Variants in GAN observed in about 807,000 individuals in gnomAD.
GAN encodes gigaxonin.
Under a neutral mutation model 71.3 loss-of-function variants are expected in GAN, and 48 were observed. The observed-to-expected ratio is 0.67, with a 90% confidence interval of 0.53 to 0.86. The LOEUF (loss-of-function observed/expected upper bound fraction) is 0.86. GAN is among the 40% of genes least tolerant of loss of function. The pLI, the probability that GAN is intolerant of heterozygous loss-of-function variation, is 0.00. For missense variants in GAN, 928 were observed against 770.1 expected (o/e 1.21, Z -2.43); for synonymous variants, 386 against 276.8 (o/e 1.39, Z -3.92).
intron 5 of GAN, 58 bp downstream of exon 5, chr16:81,357,989 G>A: frequency 7.0e-7 from 1 of 1,432,112 alleles, no homozygotes; most frequent in Admixed American, 1.7e-5. Flanking sequence ...GTAATCTCAA[G>A]GTTTTACAGA....
chr16:81,353,308 G>T (rs997742978), intron 2 of GAN, among the ~76,000 whole-genome samples: 2 of 136,790 alleles, frequency 1.5e-5, no homozygotes, highest in African/African-American at 5.5e-5. Flanking sequence ...AAAAAAAAAC[G>T]ATAGTTGGAA....
chr16:81,328,842 A>ATTTT (rs777856763), intron 1 of GAN, among the ~76,000 whole-genome samples: 39 of 152,134 alleles, frequency 2.6e-4, no homozygotes, highest in Non-Finnish European at 3.5e-4. Context: ...GTTAGAAATA[A>ATTTT]TTTTGTGCTT....
intron 5 of GAN, among the ~76,000 whole-genome samples, chr16:81,358,851 G>A (rs1211063262): frequency 6.6e-6 from 1 of 152,154 alleles, no homozygotes; most frequent in African/African-American, 2.4e-5. Flanking sequence ...CCTGATAAGT[G>A]TCATCTCATG....
At chr16:81,353,403 G>C (rs761421176) in intron 2 of GAN, among the ~76,000 whole-genome samples, 1 of 151,982 alleles carries the variant, frequency 6.6e-6, no homozygotes, top group East Asian at 1.9e-4. Flanking sequence ...TATATTTGAA[G>C]AGTCTACAGC....
Position 81,356,791 on chromosome 16 carries a change from A to C in GAN, c.640A>C (p.Met214Leu), listed in dbSNP as rs778132221. 1.2e-6 allele frequency: 2 copies of C among 1,609,330 alleles called. No individual in the cohort carries two copies. Among genetic ancestry groups the C allele is most frequent in the Non-Finnish European group, 1.7e-6 (2 of 1,175,636 alleles). The change falls in exon 4 of 11, where the codon ATG becomes CTG. Residue 214 changes from methionine (M) to leucine (L), a missense_variant. Physicochemically the swap from Met to Leu is conservative, Grantham distance 15. Coordinates refer to ENST00000648994, the MANE Select transcript of GAN (RefSeq NM_022041.4). ...AHDTEIRKVH[M>L]KDVMSALWVS... The stretch of plus-strand genomic sequence containing the variant: ...TTTCTTCCCTCTTCTGCAGGTCCAC[A>C]TGAAGGATGTTATGTCAGCTCTGTG...
intron 1 of GAN, among the ~76,000 whole-genome samples, chr16:81,330,541 A>G (rs1046644036): frequency 6.6e-6 from 1 of 152,260 alleles, no homozygotes; most frequent in Non-Finnish European, 1.5e-5. Flanking sequence ...ATGCATGAAT[A>G]AACTAATAAA....
chr16:81,327,780 C>A (rs940817974), intron 1 of GAN, among the ~76,000 whole-genome samples: 1 of 152,152 alleles, frequency 6.6e-6, no homozygotes, highest in Non-Finnish European at 1.5e-5. Flanking sequence ...ACAGGGGAAA[C>A]TTGTAAGAGT....
rs968969394 is a variant in GAN, at chr16:81,377,771, C to T, written c.*175C>T. The T allele has an allele frequency of 6.1e-6, 4 of 659,224 alleles. No individual in the cohort carries two copies. Among genetic ancestry groups the T allele is most frequent in the South Asian group, 3.5e-5 (2 of 57,458 alleles). The allele number at this position is 659,224 out of a possible 1,614,324, so 40.8% of individuals were successfully genotyped here. A position where few individuals can be genotyped will look rare whatever the true frequency, so the allele number is the denominator to read the frequency against. On this transcript the variant is annotated 3_prime_UTR_variant, in exon 11 of 11. Transcript: ENST00000648994. Reference sequence around the variant, plus strand: ...GCTTTAGCTCTTGTTTGGGAGAACACGTAACTGTTGAAAAACTACCTGGGA... The same window carrying T: ...GCTTTAGCTCTTGTTTGGGAGAACATGTAACTGTTGAAAAACTACCTGGGA...
intron 9 of GAN, among the ~76,000 whole-genome samples, chr16:81,367,368 C>T (rs902944333): frequency 7.0e-6 from 1 of 143,840 alleles, no homozygotes; most frequent in African/African-American, 2.6e-5. Flanking sequence ...ACTAAAAGTA[C>T]AAAAAAAAAA....
intron 5 of GAN, 84 bp from the exon 6 acceptor site, chr16:81,362,415 C>T: frequency 2.6e-6 from 2 of 773,318 alleles, no homozygotes; most frequent in Middle Eastern, 4.5e-4. Context: ...AGAGTTTCTT[C>T]AGATGCTGTT....
At position 81,389,354 on chromosome 16, in the gene GAN, G is replaced by A. The variant is rs1470751309; in HGVS notation, c.*11758G>A. 2 of 152,184 alleles carry A rather than the reference G, an allele frequency of 1.3e-5. No individual in the cohort carries two copies. The highest frequency in any genetic ancestry group is 4.8e-5 in the African/African-American group (2 of 41,436). 9.4% of individuals were successfully genotyped at this position (152,184 alleles called of 1,614,324 possible). A position where few individuals can be genotyped will look rare whatever the true frequency, so the allele number is the denominator to read the frequency against. On this transcript the variant is annotated 3_prime_UTR_variant, in exon 11 of 11. Coordinates refer to ENST00000648994, the MANE Select transcript of GAN (RefSeq NM_022041.4). ...CTTTGTTTTTTGTATCATACCTTTT[G>A]TGAATTGTGACAACCATCCCGTAAT...
At chr16:81,376,581 A>G (rs1466908201) in intron 9 of GAN, among the ~76,000 whole-genome samples, 1 of 150,580 alleles carries the variant, frequency 6.6e-6, no homozygotes, top group Non-Finnish European at 1.5e-5. Flanking sequence ...ATATGTGTAT[A>G]TATGTATGTA....
At chr16:81,351,933 C>A (rs930189533) in intron 2 of GAN, among the ~76,000 whole-genome samples, 1 of 152,150 alleles carries the variant, frequency 6.6e-6, no homozygotes, top group Non-Finnish European at 1.5e-5. Flanking sequence ...TTTGTTGCTA[C>A]CATTCTGAGC....
Position 81,389,588 on chromosome 16 carries a change from T to G in GAN, c.*11992T>G, listed in dbSNP as rs1031428871. 6.6e-6 allele frequency: 1 copy of G among 152,230 alleles called. No individual in the cohort carries two copies. The highest frequency in any genetic ancestry group is 6.5e-5 in the Admixed American group (1 of 15,276). The allele number at this position is 152,230 out of a possible 1,614,324, so 9.4% of individuals were successfully genotyped here. On this transcript the variant is annotated 3_prime_UTR_variant, in exon 11 of 11. Coordinates refer to ENST00000648994, the MANE Select transcript of GAN (RefSeq NM_022041.4). Reference sequence around the variant, plus strand: ...TTGTGTGTTAGCAGTGACAGTGATGTCTGTACCTATCTGTGAGTGAGACCC... The same window carrying G: ...TTGTGTGTTAGCAGTGACAGTGATGGCTGTACCTATCTGTGAGTGAGACCC...
chr16:81,372,585 A>G (rs1423732152), intron 9 of GAN, among the ~76,000 whole-genome samples: 1 of 152,202 alleles, frequency 6.6e-6, no homozygotes, highest in Non-Finnish European at 1.5e-5. Context: ...TAGATCACCT[A>G]CGCGTATTTT....
intron 7 of GAN, 21 bp downstream of exon 7, chr16:81,363,964 T>C (rs776119584): frequency 6.3e-7 from 1 of 1,592,912 alleles, no homozygotes; most frequent in Admixed American, 1.7e-5. Flanking sequence ...CATTTTGTGA[T>C]AACTAGTCTG....
At chr16:81,322,597 G>T (rs1316694537) in intron 1 of GAN, among the ~76,000 whole-genome samples, 3 of 152,158 alleles carry the variant, frequency 2.0e-5, no homozygotes, top group East Asian at 1.9e-4. Flanking sequence ...ATATTTTGTG[G>T]TTCTCTCAAC....
At chr16:81,315,454 C>G (rs112688694) in intron 1 of GAN, among the ~76,000 whole-genome samples, 174 bp downstream of exon 1, 376 of 151,994 alleles carry the variant, frequency 2.5e-3, no homozygotes, top group African/African-American at 8.5e-3. Context: ...CCCCGCTGAC[C>G]GCGTCCCCCA....
At chr16:81,376,747 G>A (rs980837592) in intron 9 of GAN, among the ~76,000 whole-genome samples, 3 of 152,094 alleles carry the variant, frequency 2.0e-5, no homozygotes, top group East Asian at 3.9e-4. Context: ...ATGTGGTGGT[G>A]CACACCTGTA....
Sources: allele counts gnomAD v4.1 joint callset (sites outside exome capture counted in the v4.1 genomes callset), GRCh38; gene constraint gnomAD v4.1.1; transcripts MANE v1.5; gene names NCBI Gene and HGNC (gene_info 2026-07-23, HGNC 2026-07-21).